Variants in MIPOL1 observed in about 807,000 individuals in gnomAD.
MIPOL1 encodes the protein mirror-image polydactyly 1.
Under a neutral mutation model 60.9 loss-of-function variants are expected in MIPOL1, and 57 were observed. The observed-to-expected ratio is 0.94, with a 90% confidence interval of 0.76 to 1.17. The LOEUF is 1.17. Ranked by LOEUF, MIPOL1 falls within the 50% of genes most tolerant of loss-of-function variation. The probability of loss-of-function intolerance (pLI) is 0.00; values close to 1 mark genes in which losing one functional copy is unlikely to be tolerated. For synonymous variants in MIPOL1, 179 were observed against 168.8 expected, an observed-to-expected ratio of 1.06 and a Z score of -0.47; for missense variants, 551 against 511.6, an observed-to-expected ratio of 1.08 and a Z score of -0.74.
chr14:37,542,105 G>T (rs960158991), intron 12 of MIPOL1, among the ~76,000 whole-genome samples: 2 of 151,758 alleles, frequency 1.3e-5, no homozygotes, highest in Non-Finnish European at 2.9e-5. Flanking sequence ...CATTACAATT[G>T]CACTCAAAAA....
At chr14:37,426,594 T>TATATATATACAC (rs1447990257) in intron 11 of MIPOL1, among the ~76,000 whole-genome samples, 2 of 125,416 alleles carry the variant, frequency 1.6e-5, no homozygotes, top group East Asian at 2.4e-4. Context: ...TATATATATA[T>TATATATATACAC]ACACACACAC....
intron 11 of MIPOL1, among the ~76,000 whole-genome samples, chr14:37,436,034 A>G (rs1022657531): frequency 6.6e-6 from 1 of 152,206 alleles, no homozygotes; most frequent in Admixed American, 6.5e-5. Context: ...CACCTGTGTT[A>G]TGGAAAATAT....
chr14:37,519,186 A>G (rs945013721), intron 12 of MIPOL1, among the ~76,000 whole-genome samples: 2 of 152,186 alleles, frequency 1.3e-5, no homozygotes, highest in African/African-American at 2.4e-5. Context: ...AAATAGTTTG[A>G]GAGAGCTTAC....
At chr14:37,466,050 G>A (rs1341039800) in intron 11 of MIPOL1, among the ~76,000 whole-genome samples, 1 of 152,118 alleles carries the variant, frequency 6.6e-6, no homozygotes, top group African/African-American at 2.4e-5. Flanking sequence ...AGCCCAACCT[G>A]TACTATGTTG....
chr14:37,322,459 A>G (rs1378772561), intron 9 of MIPOL1, among the ~76,000 whole-genome samples: 4 of 151,872 alleles, frequency 2.6e-5, no homozygotes, highest in Non-Finnish European at 4.4e-5. Context: ...AGATGACCAC[A>G]TTTATTTGTT....
intron 3 of MIPOL1, among the ~76,000 whole-genome samples, chr14:37,256,320 G>A (rs1974914835): frequency 1.3e-5 from 2 of 151,858 alleles, no homozygotes; most frequent in South Asian, 4.1e-4. Context: ...AGGGAAGACA[G>A]AACAAATATG....
intron 9 of MIPOL1, among the ~76,000 whole-genome samples, chr14:37,351,061 C>G (rs1416151814): frequency 0.012 from 1,368 of 116,490 alleles, 96 homozygotes; most frequent in Admixed American, 0.086. Context: ...CTCCCCCCTC[C>G]CCCCACCCCA....
intron 7 of MIPOL1, among the ~76,000 whole-genome samples, 167 bp downstream of exon 7, chr14:37,285,614 C>T (rs1208406437): frequency 3.4e-5 from 5 of 147,230 alleles, no homozygotes; most frequent in African/African-American, 5.0e-5. Context: ...TTTTTTGAGA[C>T]GGAGTCTTGC....
chr14:37,498,166 G>A (rs1015784893), intron 11 of MIPOL1, among the ~76,000 whole-genome samples: 6 of 152,128 alleles, frequency 3.9e-5, no homozygotes, highest in African/African-American at 1.4e-4. Flanking sequence ...TTTGATAAAG[G>A]TTGGATTAGT....
intron 12 of MIPOL1, among the ~76,000 whole-genome samples, chr14:37,527,220 T>C (rs1336950880): frequency 1.3e-5 from 2 of 151,486 alleles, no homozygotes; most frequent in Non-Finnish European, 3.0e-5. Flanking sequence ...TTTTGCATGT[T>C]TTTTTTTAAC....
At chr14:37,361,402 TGATCAGTCTAATA>T in intron 9 of MIPOL1, among the ~76,000 whole-genome samples, 1 of 152,090 alleles carries the variant, frequency 6.6e-6, no homozygotes, top group South Asian at 2.1e-4. Context: ...TCTCTCTCAT[TGATCAGTCTAATA>T]TTGACAGTGG....
chr14:37,465,182 C>A (rs910656690), intron 11 of MIPOL1, among the ~76,000 whole-genome samples: 1 of 152,178 alleles, frequency 6.6e-6, no homozygotes, highest in African/African-American at 2.4e-5. Flanking sequence ...CCTTTCCGAA[C>A]TTTGATATAC....
At chr14:37,200,670 T>G (rs972409371) in intron 1 of MIPOL1, among the ~76,000 whole-genome samples, 194 of 150,800 alleles carry the variant, frequency 1.3e-3, no homozygotes, top group African/African-American at 4.3e-3. Context: ...GTTAGTTTTT[T>G]TTTTTTTTTT....
chr14:37,412,046 C>G (rs978879972), intron 10 of MIPOL1, among the ~76,000 whole-genome samples: 1 of 152,032 alleles, frequency 6.6e-6, no homozygotes, highest in Non-Finnish European at 1.5e-5. Flanking sequence ...GGTTCAGAAG[C>G]CTTAACTTGT....
intron 11 of MIPOL1, among the ~76,000 whole-genome samples, chr14:37,442,014 C>A (rs2094254190): frequency 6.6e-6 from 1 of 151,854 alleles, no homozygotes; most frequent in African/African-American, 2.4e-5. Flanking sequence ...TGTGAGCCAC[C>A]ATGCCCCACC....
At chr14:37,515,411 C>T (rs1438659377) in intron 12 of MIPOL1, among the ~76,000 whole-genome samples, 4 of 151,602 alleles carry the variant, frequency 2.6e-5, no homozygotes, top group African/African-American at 7.3e-5. Context: ...ATTTTGGAAC[C>T]TACTAAACTA....
At chr14:37,533,721 G>A (rs1274425587) in intron 12 of MIPOL1, among the ~76,000 whole-genome samples, 1 of 152,068 alleles carries the variant, frequency 6.6e-6, no homozygotes, top group Non-Finnish European at 1.5e-5. Context: ...CATTGAAATG[G>A]TTGGCATTGA....
chr14:37,505,778 T>G (rs567553810), intron 12 of MIPOL1: 6 of 152,118 alleles, frequency 3.9e-5, no homozygotes, highest in African/African-American at 1.4e-4. Flanking sequence ...GAGAAAGAAA[T>G]AAAGGGTATT....
chr14:37,222,474 T>C (rs1188644674), intron 1 of MIPOL1, among the ~76,000 whole-genome samples: 1 of 151,966 alleles, frequency 6.6e-6, no homozygotes, highest in East Asian at 1.9e-4. Context: ...GCTCCTTCAG[T>C]ATTTTGCTTA....
Sources: gnomAD v4.1 joint callset for allele counts (sites outside exome capture counted in the v4.1 genomes callset) on GRCh38, gnomAD v4.1.1 for gene constraint, MANE v1.5 for transcripts, NCBI Gene and HGNC (gene_info 2026-07-23, HGNC 2026-07-21) for gene names.